CROCC2: variants seen among roughly 807,000 people sequenced by gnomAD.
CROCC2 encodes ciliary rootlet coiled-coil, rootletin family member 2, also known as ciliary rootlet coiled-coil protein 2.
A neutral mutation model predicts 177.6 loss-of-function variants in CROCC2; 163 were observed. That is an observed-to-expected ratio of 0.92 (90% CI 0.81 to 1.05). CROCC2 has a LOEUF of 1.05. CROCC2 is among the 50% of genes least tolerant of loss of function. The pLI, the probability that CROCC2 is intolerant of heterozygous loss-of-function variation, is 0.00. For missense variants in CROCC2, 1,929 were observed against 1,797.8 expected (o/e 1.07, Z -1.32); for synonymous variants, 904 against 787.3 (o/e 1.15, Z -2.48).
chr2:240,958,213 C>T lies in CROCC2; in HGVS notation c.2944-1088C>T. 1 of 983,550 alleles carries T rather than the reference C, an allele frequency of 1.0e-6. No homozygotes were observed. The highest frequency in any genetic ancestry group is 5.2e-4 in the Middle Eastern group (1 of 1,906). The allele number at this position is 983,550 out of a possible 1,614,324, so 60.9% of individuals were successfully genotyped here. ...GCGCCCCTAGGCTGAGTCACCACTG[C>T]CATCGGGCTCCCAGCCGATGCCCTG... On this transcript the variant is annotated intron_variant, in intron 19 of 31. Coordinates refer to ENST00000690015, the MANE Select transcript of CROCC2 (RefSeq NM_001351305.2). This position sits in a 1 kb window ranked among gnomAD's most constrained non-coding sequence, Gnocchi z 6.7.
intron 28 of CROCC2, among the ~76,000 whole-genome samples, chr2:240,985,635 A>G (rs1255161628): frequency 9.0e-6 from 1 of 110,626 alleles, no homozygotes; most frequent in Admixed American, 9.5e-5. Context: ...ACACACACCC[A>G]GGCACTCACT....
Position 240,963,698 on chromosome 2 carries a change from G to T in CROCC2, c.3230G>T (p.Arg1077Leu). The change falls in exon 21 of 32, where the codon CGC becomes CTC. Residue 1077 changes from arginine to leucine, a missense_variant. This residue lies in a region of CROCC2 where 1,397 missense variants were observed against 1,239.9 expected (regional missense o/e 1.13). Transcript: ENST00000690015. ...CGCCGGGCGCTGAGTGACGAGGCCCGCGAGAAGGACGTACTGTTGCTTTTC... is the reference window on the plus strand; with the variant it reads ...CGCCGGGCGCTGAGTGACGAGGCCCTCGAGAAGGACGTACTGTTGCTTTTC... ...EARRALSDEA[R>L]EKDVLLLFNS... 1 of 1,550,314 alleles carries T rather than the reference G, an allele frequency of 6.5e-7. No individual in the cohort carries two copies. Among genetic ancestry groups the T allele is most frequent in the South Asian group, 1.2e-5 (1 of 84,054 alleles).
rs2059623026 is a variant in CROCC2 at position 240,960,315 on chromosome 2, G to A, written c.3087+871G>A. Among the ~76,000 whole-genome samples, 3 of 152,244 alleles carry A rather than the reference G, an allele frequency of 2.0e-5. No individual in the cohort carries two copies. The highest frequency in any genetic ancestry group is 4.1e-4 in the South Asian group (2 of 4,822). ...CAGGCAAGAAAATAAGTGGGTTAGTGGAGATTTCGGGGTGTGCCTGGGCCT... is the reference window on the plus strand; with the variant it reads ...CAGGCAAGAAAATAAGTGGGTTAGTAGAGATTTCGGGGTGTGCCTGGGCCT... On this transcript the variant is annotated intron_variant, in intron 20 of 31. Transcript: ENST00000690015. The surrounding 1 kb of genome is among the most constrained non-coding windows in gnomAD (Gnocchi z 5.0).
Position 240,953,369 on chromosome 2 carries a change from G to A in CROCC2, c.2830-2490G>A, listed in dbSNP as rs1024652368. Among the ~76,000 whole-genome samples the A allele has an allele frequency of 4.6e-5, 7 of 151,992 alleles. No homozygotes were observed. Among genetic ancestry groups the A allele is most frequent in the African/African-American group, 1.7e-4 (7 of 41,378 alleles). On this transcript the variant is annotated intron_variant, in intron 18 of 31. Transcript: ENST00000690015. This position sits in a 1 kb window ranked among gnomAD's most constrained non-coding sequence, Gnocchi z 4.0. ...GATTCTCACTGAGATTGCAGTGAGC[G>A]GAGATCACGCCACTGCATTCCAGCC... is the stretch of plus-strand genomic sequence containing the variant.
intron 1 of CROCC2, among the ~76,000 whole-genome samples, chr2:240,916,174 C>G (rs1241227292): frequency 6.6e-6 from 1 of 152,134 alleles, no homozygotes; most frequent in East Asian, 1.9e-4. Flanking sequence ...CGGCGGGGTC[C>G]TAAGCGCTTA....
At chr2:240,943,965 T>C (rs1008458842) in intron 14 of CROCC2, among the ~76,000 whole-genome samples, 11 of 152,218 alleles carry the variant, frequency 7.2e-5, no homozygotes, top group African/African-American at 2.7e-4. Flanking sequence ...AACAGATTAT[T>C]GGATTGTACG....
Position 240,965,372 on chromosome 2 carries a change from C to T in CROCC2, c.3466-9C>T, listed in dbSNP as rs777546598. 38 of 1,549,058 alleles carry T rather than the reference C, an allele frequency of 2.5e-5. No individual in the cohort carries two copies. The South Asian group carries it at 3.0e-4, about 12-fold the overall frequency. On this transcript the variant is annotated splice_polypyrimidine_tract_variant and intron_variant, in intron 22 of 31. Coordinates refer to ENST00000690015, the MANE Select transcript of CROCC2 (RefSeq NM_001351305.2). ...CAGTGACCCTGTCCGTGCGGCCCCA[C>T]GCTCCCAGGTGAGGACACTGAAGGC...
intron 7 of CROCC2, among the ~76,000 whole-genome samples, chr2:240,931,807 CA>C (rs1193539401): frequency 2.0e-5 from 3 of 152,242 alleles, no homozygotes; most frequent in Non-Finnish European, 4.4e-5. Context: ...CACCACAACC[CA>C]GCCCCAAATG....
rs1409832317 is a variant in CROCC2, at chr2:240,946,129, G to A, written c.2239G>A (p.Gly747Ser). The change falls in exon 15 of 32, where the codon GGC becomes AGC. Residue 747 changes from glycine to serine, a missense_variant. By Grantham distance (56) the Gly-to-Ser change is moderately conservative (BLOSUM62 0). Around this residue, in one of 3 missense-constraint regions of CROCC2, gnomAD observed 1,397 missense variants for 1,239.9 expected, o/e 1.13. Transcript: ENST00000690015. ...CCTGCAGGACCAGGAGGCCCAGATG[G>A]GCACTCTGCAGCAAGCCCTGCAAGG... is the stretch of plus-strand genomic sequence containing the variant. ...QSLQDQEAQM[G>S]TLQQALQGKD... The A allele has an allele frequency of 6.5e-7, 1 of 1,546,510 alleles. No homozygotes were observed. The highest frequency in any genetic ancestry group is 8.7e-7 in the Non-Finnish European group (1 of 1,143,666).
At chr2:240,956,792 G>A (rs571947065) in intron 19 of CROCC2, among the ~76,000 whole-genome samples, 2 of 152,338 alleles carry the variant, frequency 1.3e-5, no homozygotes, top group South Asian at 2.1e-4. Flanking sequence ...CTTGCAGAAC[G>A]CCAAGGCTTC....
chr2:240,963,328 TG>T, intron 20 of CROCC2: 1 of 518,724 alleles, frequency 1.9e-6, no homozygotes, highest in East Asian at 2.9e-5. Flanking sequence ...GGGCTCAAGG[TG>T]GGGTCTTCTG....
chr2:240,967,244 A>C, intron 25 of CROCC2, 101 bp from the exon 26 acceptor site: 1 of 517,876 alleles, frequency 1.9e-6, no homozygotes, highest in Non-Finnish European at 3.5e-6. Flanking sequence ...CCTGCAGGCC[A>C]GACCGTGAGC....
At chr2:240,981,679 T>A (rs2059801414) in intron 27 of CROCC2, 1 of 152,056 alleles carries the variant, frequency 6.6e-6, no homozygotes, top group Non-Finnish European at 1.5e-5. Context: ...GCACGAAGGG[T>A]GAAGCATCAC....
At chr2:240,922,167 G>A (rs1417428534) in intron 3 of CROCC2, among the ~76,000 whole-genome samples, 1 of 152,196 alleles carries the variant, frequency 6.6e-6, no homozygotes, top group East Asian at 1.9e-4. Context: ...GGGGCAGTGG[G>A]GCCTCAGTTT....
At chr2:240,963,491 C>A in intron 20 of CROCC2, 65 bp from the exon 21 acceptor site, 1 of 1,422,720 alleles carries the variant, frequency 7.0e-7, no homozygotes, top group Non-Finnish European at 9.4e-7. Context: ...AGGCCACAGG[C>A]CCCTGTGGCT....
intron 15 of CROCC2, among the ~76,000 whole-genome samples, chr2:240,947,638 C>A (rs1218825445): frequency 1.3e-5 from 2 of 152,218 alleles, no homozygotes; most frequent in Non-Finnish European, 2.9e-5. Flanking sequence ...CATTCAGGAC[C>A]ATTAAGTGTG....
Position 240,918,302 on chromosome 2 carries a change from C to T in CROCC2, c.79-424C>T, listed in dbSNP as rs770615782. On this transcript the variant is annotated intron_variant, in intron 1 of 31. Transcript: ENST00000690015. This position sits in a 1 kb window ranked among gnomAD's most constrained non-coding sequence, Gnocchi z 6.3. ...GTGGGATCTAGGTCCCTCCTCTGGCCCCACCGTGCAAACAAGCTGTGAGAC... is the reference window on the plus strand; with the variant it reads ...GTGGGATCTAGGTCCCTCCTCTGGCTCCACCGTGCAAACAAGCTGTGAGAC... Among the ~76,000 whole-genome samples, 8 of 152,138 alleles carry T rather than the reference C, an allele frequency of 5.3e-5. No individual in the cohort carries two copies. Among genetic ancestry groups the T allele is most frequent in the Non-Finnish European group, 1.2e-4 (8 of 68,032 alleles).
At chr2:240,935,829 G>A (rs1053141829) in intron 14 of CROCC2, among the ~76,000 whole-genome samples, 1 of 152,224 alleles carries the variant, frequency 6.6e-6, no homozygotes, top group African/African-American at 2.4e-5. Context: ...TGGCAGGGGA[G>A]CCCGGGCCTC....
intron 3 of CROCC2, among the ~76,000 whole-genome samples, chr2:240,921,740 C>T (rs1183934692): frequency 6.6e-6 from 1 of 152,228 alleles, no homozygotes; most frequent in Non-Finnish European, 1.5e-5. Context: ...CCCGGCTCCT[C>T]CAGGGTCTTC....
Sources: allele counts gnomAD v4.1 joint callset (sites outside exome capture counted in the v4.1 genomes callset), GRCh38; gene constraint gnomAD v4.1.1; regional missense constraint gnomAD v4.1.1; non-coding constraint Gnocchi (gnomAD v3.1); transcripts MANE v1.5; gene names NCBI Gene and HGNC (gene_info 2026-07-23, HGNC 2026-07-21).